Variants in CDH23 observed in about 807,000 individuals in gnomAD.
The protein encoded by CDH23 is cadherin related 23, also known as cadherin-23.
CDH23 carries 189 observed loss-of-function variants against 317.1 expected under a neutral mutation model. The observed-to-expected ratio is 0.60, with a 90% CI of 0.53 to 0.67. The LOEUF (loss-of-function observed/expected upper bound fraction) is 0.67, where lower values mean the gene tolerates loss of function less well. Among genes scored for constraint, CDH23 ranks in the 30% least tolerant of loss-of-function variants. The probability of loss-of-function intolerance (pLI) is 0.00; values close to 1 mark genes in which losing one functional copy is unlikely to be tolerated. For synonymous variants in CDH23, 1,839 were observed against 1,876.8 expected, an observed-to-expected ratio of 0.98 and a Z score of 0.52; for missense variants, 4,401 against 4,592.4, an observed-to-expected ratio of 0.96 and a Z score of 1.20.
At chr10:71,466,520 G>C (rs1221978741) in intron 3 of CDH23, among the ~76,000 whole-genome samples, 1 of 152,168 alleles carries the variant, frequency 6.6e-6, no homozygotes, top group East Asian at 1.9e-4. Flanking sequence ...TGATGTGTGA[G>C]TGAAAGTGTG....
intron 9 of CDH23, among the ~76,000 whole-genome samples, chr10:71,609,797 CTT>C (rs1564685392): frequency 6.6e-6 from 1 of 152,216 alleles, no homozygotes; most frequent in Non-Finnish European, 1.5e-5. Context: ...GCTGACAGCT[CTT>C]GTCTCTTGCC....
chr10:71,734,176 C>A, intron 32 of CDH23, 64 bp from the exon 33 acceptor site: 2 of 1,351,872 alleles, frequency 1.5e-6, no homozygotes, highest in Non-Finnish European at 1.0e-6. Flanking sequence ...GAAAAGTGGG[C>A]AGAATGACCA....
chr10:71,705,350 G>T (rs1229757751), intron 25 of CDH23, among the ~76,000 whole-genome samples: 1 of 152,102 alleles, frequency 6.6e-6, no homozygotes, highest in Non-Finnish European at 1.5e-5. Flanking sequence ...GAGCTCAGGG[G>T]CAGTGGCCTG....
chr10:71,804,580 C>T (rs1156837809), intron 55 of CDH23, among the ~76,000 whole-genome samples: 2 of 152,206 alleles, frequency 1.3e-5, no homozygotes, highest in Admixed American at 6.5e-5. Flanking sequence ...CAAGGCTAAG[C>T]TCAAAGAAGC....
At chr10:71,624,427 T>A (rs1165621185) in intron 11 of CDH23, among the ~76,000 whole-genome samples, 2 of 152,228 alleles carry the variant, frequency 1.3e-5, no homozygotes, top group Non-Finnish European at 2.9e-5. Flanking sequence ...TTATTTATCC[T>A]CTGATGCCAT....
At chr10:71,811,669 G>A (rs767990614) in intron 64 of CDH23, 44 bp from the exon 65 acceptor site, 24 of 1,613,618 alleles carry the variant, frequency 1.5e-5, no homozygotes, top group African/African-American at 4.0e-5. Flanking sequence ...GGCCTGAGAC[G>A]TCAGCTTGGC....
intron 1 of CDH23, among the ~76,000 whole-genome samples, chr10:71,403,462 C>T (rs1470473772): frequency 5.6e-4 from 21 of 37,656 alleles, no homozygotes; most frequent in African/African-American, 2.0e-3. Context: ...CCTTTCCTTC[C>T]TTCCTTCCTT....
rs1456307157 is a variant in CDH23, at chr10:71,812,857, G to C, written c.9600G>C (p.Lys3200Asn). The change falls in exon 68 of 70, where the codon AAG (lysine) becomes AAC (asparagine). Residue 3200 changes from lysine to asparagine, a missense_variant. This residue lies in a region of CDH23 where 1,144 missense variants were observed against 1,138.2 expected (regional missense o/e 1.01). Transcript: ENST00000224721. ...AAIQEYDNIA[K>N]LGQIIREGPI... is the part of the protein sequence containing the mutation. The stretch of plus-strand genomic sequence containing the variant: ...TCCAGGAGTATGACAACATTGCCAA[G>C]CTGGGCCAGATCATTCGTGAGGGGC... The C allele has an allele frequency of 2.5e-6, 4 of 1,613,736 alleles. No individual in the cohort carries two copies. In the Admixed American group the frequency reaches 6.7e-5, roughly 27 times the overall value.
At chr10:71,679,320 T>C in intron 16 of CDH23, 67 bp from the exon 17 acceptor site, 2 of 695,450 alleles carry the variant, frequency 2.9e-6, no homozygotes. Flanking sequence ...CCCTCCCAGC[T>C]GCCCACCCTC....
At chr10:71,806,142 C>T (rs762372974) in intron 56 of CDH23, 26 bp from the exon 57 acceptor site, 5 of 1,546,426 alleles carry the variant, frequency 3.2e-6, no homozygotes, top group African/African-American at 1.4e-5. Context: ...CAGTCTTTTC[C>T]TCTGACTGTG....
At position 71,779,391 on chromosome 10, in the gene CDH23, G is replaced by A. The variant is rs111033480; in HGVS notation, c.5312G>A (p.Arg1771Gln). The change falls in exon 41 of 70, where the codon CGA becomes CAA. Residue 1771 changes from arginine to glutamine, a missense_variant. Physicochemically the swap from Arg to Gln is conservative, Grantham distance 43. Transcript: ENST00000224721. ...PRVWTFLAHD[R>Q]DSGPNGQVEY... ...GTGTGGACCTTCCTGGCCCATGACC[G>A]AGACTCAGGACCCAACGGGCAGGTG... is the stretch of plus-strand genomic sequence containing the variant. 5.4e-4 allele frequency: 874 copies of A among 1,613,692 alleles called. 7 individuals carry two copies. Among genetic ancestry groups the A allele is most frequent in the African/African-American group, 4.7e-3 (353 of 75,042 alleles).
chr10:71,727,662 T>TAC (rs201847134), intron 30 of CDH23, among the ~76,000 whole-genome samples: 28 of 151,190 alleles, frequency 1.9e-4, no homozygotes, highest in East Asian at 7.8e-4. Flanking sequence ...TCACGACACA[T>TAC]ACACACACAC....
At chr10:71,407,476 G>T (rs1026760599) in intron 1 of CDH23, among the ~76,000 whole-genome samples, 1 of 152,178 alleles carries the variant, frequency 6.6e-6, no homozygotes, top group Non-Finnish European at 1.5e-5. Context: ...CCCTGAGCAG[G>T]TTACCCCCAT....
intron 38 of CDH23, chr10:71,762,015 C>T (rs1840405493): frequency 2.5e-6 from 4 of 1,601,950 alleles, no homozygotes; most frequent in Non-Finnish European, 3.4e-6. Flanking sequence ...ACCTTGAAGG[C>T]TGCCACCGGA....
intron 38 of CDH23, chr10:71,752,976 T>G: frequency 6.2e-7 from 1 of 1,612,946 alleles, no homozygotes; most frequent in South Asian, 1.1e-5. Flanking sequence ...GGGCCTTACC[T>G]GTCCATCCGC....
intron 34 of CDH23, 129 bp from the exon 35 acceptor site, chr10:71,738,369 C>A (rs1163902911): frequency 4.7e-6 from 5 of 1,066,320 alleles, no homozygotes; most frequent in Admixed American, 1.8e-5. Context: ...CTTCGGTGGG[C>A]TCTGAGGGTT....
rs543235775 is a variant in CDH23, at chr10:71,410,804, A to G, written c.-6+13486A>G. On this transcript the variant is annotated intron_variant, in intron 1 of 69. Coordinates refer to ENST00000224721, the MANE Select transcript of CDH23 (RefSeq NM_022124.6). ...GTTTGTGGGAGTCATCCTGTTGCGT[A>G]TAGTTAATGTGTTTCTCTTCATTGC... is the stretch of plus-strand genomic sequence containing the variant. Among the ~76,000 whole-genome samples the G allele has an allele frequency of 3.9e-5, 6 of 152,270 alleles. No individual in the cohort carries two copies. The South Asian group carries it at 1.2e-3, about 32-fold the overall frequency.
chr10:71,542,573 G>T (rs1589187007), intron 6 of CDH23, among the ~76,000 whole-genome samples: 1 of 152,352 alleles, frequency 6.6e-6, no homozygotes, highest in East Asian at 1.9e-4. Flanking sequence ...TCTTTGCCCT[G>T]TACAGCCTCT....
At chr10:71,714,727 T>G (rs1866133086) in intron 28 of CDH23, 1 of 152,090 alleles carries the variant, frequency 6.6e-6, no homozygotes, top group South Asian at 2.1e-4. Flanking sequence ...AGCTGGGGAG[T>G]GGCAAGCCAG....
Sources: gnomAD v4.1 joint callset for allele counts (sites outside exome capture counted in the v4.1 genomes callset) on GRCh38, gnomAD v4.1.1 for gene constraint, gnomAD v4.1.1 regional missense constraint, MANE v1.5 for transcripts, NCBI Gene and HGNC (gene_info 2026-07-23, HGNC 2026-07-21) for gene names.